Variants in PMM2 observed in about 807,000 individuals in gnomAD.
PMM2 encodes phosphomannomutase 2.
A neutral mutation model predicts 33.2 loss-of-function variants in PMM2; 35 were observed. That is an observed-to-expected ratio of 1.06 (90% CI 0.81 to 1.40). The LOEUF is 1.40. Ranked by LOEUF, PMM2 falls within the 40% of genes most tolerant of loss-of-function variation. The pLI, the probability that PMM2 is intolerant of heterozygous loss-of-function variation, is 0.00. For missense variants in PMM2, 386 were observed against 306.0 expected, an observed-to-expected ratio of 1.26 and a Z score of -1.95; for synonymous variants, 153 against 114.7, an observed-to-expected ratio of 1.33 and a Z score of -2.13.
At chr16:8,837,600 A>G (rs2060858817) in intron 7 of PMM2, among the ~76,000 whole-genome samples, 1 of 151,926 alleles carries the variant, frequency 6.6e-6, no homozygotes, top group East Asian at 1.9e-4. Flanking sequence ...GCACAGAGAT[A>G]TAAGAGATTG....
chr16:8,804,039 T>TTTTGTG (rs2060632488), intron 2 of PMM2, among the ~76,000 whole-genome samples: 1 of 132,802 alleles, frequency 7.5e-6, no homozygotes, highest in Non-Finnish European at 1.6e-5. Context: ...TTGTTTTTTT[T>TTTTGTG]TTTTTTTTTT....
At chr16:8,817,987 T>C (rs895187052) in intron 7 of PMM2, among the ~76,000 whole-genome samples, 1 of 150,448 alleles carries the variant, frequency 6.6e-6, no homozygotes, top group African/African-American at 2.5e-5. Context: ...CACTGTAAGC[T>C]CCACCTCCCG....
At chr16:8,812,528 G>C (rs116522649) in intron 6 of PMM2, among the ~76,000 whole-genome samples, 1 of 152,120 alleles carries the variant, frequency 6.6e-6, no homozygotes, top group Non-Finnish European at 1.5e-5. Flanking sequence ...GCTTTGAAAG[G>C]GTTTTTGTTG....
chr16:8,803,680 A>G (rs983056823), intron 2 of PMM2, among the ~76,000 whole-genome samples: 2 of 151,962 alleles, frequency 1.3e-5, no homozygotes, highest in African/African-American at 2.4e-5. Context: ...CTTTTTTTAA[A>G]ATTTATTTTA....
At chr16:8,807,227 G>A (rs143439378) in intron 4 of PMM2, among the ~76,000 whole-genome samples, 253 of 147,354 alleles carry the variant, frequency 1.7e-3, no homozygotes, top group African/African-American at 5.9e-3. Flanking sequence ...GGCTGATATC[G>A]AACTCCCAAC....
At chr16:8,846,550 G>T (rs2060926711) in intron 7 of PMM2, among the ~76,000 whole-genome samples, 1 of 152,118 alleles carries the variant, frequency 6.6e-6, no homozygotes, top group South Asian at 2.1e-4. Context: ...TGGTGGGGGT[G>T]ATGGGGACAC....
In PMM2 at chr16:8,797,929, C is replaced by T. The variant is rs1162452555; in HGVS notation, c.47C>T (p.Thr16Ile). 3 of 1,608,344 alleles carry T rather than the reference C, an allele frequency of 1.9e-6. No homozygotes were observed. The highest frequency in any genetic ancestry group is 2.5e-6 in the Non-Finnish European group (3 of 1,177,950). Residue 16 changes from threonine to isoleucine, a missense_variant, in exon 1 of 8, where the codon ACC becomes ATC. Thr to Ile is a moderately conservative substitution (Grantham distance 89). Transcript: ENST00000268261. ...CTCTGCCTCTTCGACGTGGATGGGA[C>T]CCTCACCGCCCCGCGGCAGGTAAGT... ...PALCLFDVDG[T>I]LTAPRQKITK...
chr16:8,807,668 A>C (rs12923851), intron 4 of PMM2: 1 of 151,988 alleles, frequency 6.6e-6, no homozygotes, highest in East Asian at 1.9e-4. Context: ...CTAATTTTTT[A>C]ATTTTTTGTA....
chr16:8,832,937 C>T, intron 7 of PMM2: 2 of 874,430 alleles, frequency 2.3e-6, no homozygotes, highest in Non-Finnish European at 2.7e-6. Context: ...AACAAGGCGC[C>T]CAAGAGCTGT....
At chr16:8,804,358 A>C (rs2060634537) in intron 2 of PMM2, among the ~76,000 whole-genome samples, 1 of 152,056 alleles carries the variant, frequency 6.6e-6, no homozygotes, top group South Asian at 2.1e-4. Flanking sequence ...GAGCTTTTTT[A>C]AAAATATATT....
At chr16:8,846,566 G>C (rs1352975083) in intron 7 of PMM2, among the ~76,000 whole-genome samples, 4 of 152,048 alleles carry the variant, frequency 2.6e-5, no homozygotes, top group Admixed American at 1.3e-4. Context: ...GACACAGATG[G>C]GAGCACTCAA....
intron 7 of PMM2, chr16:8,832,347 G>A (rs914515611): frequency 1.0e-6 from 1 of 985,340 alleles, no homozygotes; most frequent in Non-Finnish European, 1.2e-6. Flanking sequence ...CCAGGGTCGG[G>A]AGGATTTCAC....
rs547057460 is a variant in PMM2 at position 8,811,702 on chromosome 16, C to A, written c.512C>A (p.Thr171Lys). 7 of 1,608,658 alleles carry A rather than the reference C, an allele frequency of 4.4e-6. No individual in the cohort carries two copies. The highest frequency in any genetic ancestry group is 1.1e-5 in the South Asian group (1 of 90,978). Residue 171 changes from threonine to lysine, a missense_variant, in exon 6 of 8, where the codon ACG becomes AAG. Thr to Lys is a moderately conservative substitution (Grantham distance 78). Transcript: ENST00000268261. ...LRKEFAGKGL[T>K]FSIGGQISFD... ...AAAGAGTTTGCTGGAAAAGGCCTCA[C>A]GTTTTCCATAGGTATTGTATATATT...
At position 8,813,176 on chromosome 16, in the gene PMM2, C is replaced by G. The variant is rs150243626; in HGVS notation, c.639+70C>G. 1.0e-3 allele frequency: 973 copies of G among 960,752 alleles called. 4 individuals carry two copies. In the African/African-American group the frequency reaches 0.013, roughly 13 times the overall value. 59.5% of individuals were successfully genotyped at this position (960,752 alleles called of 1,614,324 possible). A position where few individuals can be genotyped will look rare whatever the true frequency, so the allele number is the denominator to read the frequency against. On this transcript the variant is annotated intron_variant, in intron 7 of 7. Transcript: ENST00000268261. ...TTGATGGGGGAAATTGACAACTGGG[C>G]TGTTTTTCCTGTACCTACACTTTAC... is the stretch of plus-strand genomic sequence containing the variant.
chr16:8,848,017 G>C lies in PMM2; in HGVS notation c.*192G>C. ...TTCCAGAAGGAAGGAGAAAACTCTT[G>C]TCAAGAATGGCCCAGAGGAATGCCT... On this transcript the variant is annotated 3_prime_UTR_variant, in exon 8 of 8. Coordinates refer to ENST00000268261, the MANE Select transcript of PMM2 (RefSeq NM_000303.3). 1.7e-6 allele frequency: 1 copy of C among 600,136 alleles called. No homozygotes were observed. Among genetic ancestry groups the C allele is most frequent in the Non-Finnish European group, 3.0e-6 (1 of 332,470 alleles). The allele number at this position is 600,136 out of a possible 1,614,324, so 37.2% of individuals were successfully genotyped here.
intron 7 of PMM2, chr16:8,832,201 A>G: frequency 2.0e-6 from 2 of 985,380 alleles, no homozygotes; most frequent in Non-Finnish European, 2.4e-6. Flanking sequence ...AGAGTCACAA[A>G]GAAAGAAGCA....
intron 7 of PMM2, among the ~76,000 whole-genome samples, chr16:8,847,052 T>A (rs913798588): frequency 2.6e-5 from 4 of 152,016 alleles, no homozygotes; most frequent in Non-Finnish European, 5.9e-5. Flanking sequence ...TAAGTAGAAA[T>A]GGAGTTTTGC....
chr16:8,833,691 G>A (rs3969469), intron 7 of PMM2, among the ~76,000 whole-genome samples: 6 of 151,160 alleles, frequency 4.0e-5, no homozygotes, highest in Admixed American at 6.6e-5. Context: ...AACATCTGTC[G>A]TATAGAATGA....
At chr16:8,842,225 C>A in intron 7 of PMM2, 1 of 152,254 alleles carries the variant, frequency 6.6e-6, no homozygotes. Context: ...GAGAATTATG[C>A]CGAGATAGGT....
Sources: allele counts gnomAD v4.1 joint callset (sites outside exome capture counted in the v4.1 genomes callset), GRCh38; gene constraint gnomAD v4.1.1; transcripts MANE v1.5; gene names NCBI Gene and HGNC (gene_info 2026-07-23, HGNC 2026-07-21).